The following MRPL35 variants were observed in gnomAD, a reference collection of about 807,000 sequenced individuals.
MRPL35 encodes large ribosomal subunit protein bL35m.
A neutral mutation model predicts 21.6 loss-of-function variants in MRPL35; 18 were observed. That is an observed-to-expected ratio of 0.83 (90% CI 0.58 to 1.24). The LOEUF (loss-of-function observed/expected upper bound fraction) is 1.24, where lower values mean the gene tolerates loss of function less well. Among genes scored for constraint, MRPL35 ranks in the 50% most tolerant of loss-of-function variants. The probability of loss-of-function intolerance (pLI) is 0.00; values close to 1 mark genes in which losing one functional copy is unlikely to be tolerated. For missense variants in MRPL35, 223 were observed against 223.2 expected (o/e 1.00, Z 0.01); for synonymous variants, 87 against 86.9 (o/e 1.00, Z -0.01).
At chr2:86,199,816 C>A (rs547962147) in intron 1 of MRPL35, among the ~76,000 whole-genome samples, 2 of 152,222 alleles carry the variant, frequency 1.3e-5, no homozygotes, top group Admixed American at 1.3e-4. Context: ...GCGAGGGAAA[C>A]CAAAAAGTCT....
Position 86,212,498 on chromosome 2 carries a change from C to T in MRPL35, c.*1830C>T, listed in dbSNP as rs1673926467. The T allele has an allele frequency of 3.7e-6, 6 of 1,609,966 alleles. No individual in the cohort carries two copies. The South Asian group carries it at 6.6e-5, about 18-fold the overall frequency. ...CTGGCTCCTGCTCTCTGATGTACCT[C>T]TGGGTAGTGAGATGGAAATGGTGCC... On this transcript the variant is annotated 3_prime_UTR_variant, in exon 4 of 4. Coordinates refer to ENST00000337109, the MANE Select transcript of MRPL35 (RefSeq NM_016622.4).
chr2:86,211,105 G>C lies in MRPL35; in HGVS notation c.*437G>C, dbSNP rs1673894273. On this transcript the variant is annotated 3_prime_UTR_variant, in exon 4 of 4. Transcript: ENST00000337109. Reference sequence around the variant, plus strand: ...CCTCAGGAAGAGTAGAAATTGGGTGGTGCTCCTCAGCAGGGGAAGGTGGAT... The same window carrying C: ...CCTCAGGAAGAGTAGAAATTGGGTGCTGCTCCTCAGCAGGGGAAGGTGGAT... 2.0e-6 allele frequency: 2 copies of C among 987,592 alleles called. No homozygotes were observed. Among genetic ancestry groups the C allele is most frequent in the South Asian group, 4.7e-5 (1 of 21,468 alleles). 61.2% of individuals were successfully genotyped at this position (987,592 alleles called of 1,614,324 possible). A position where few individuals can be genotyped will look rare whatever the true frequency, so the allele number is the denominator to read the frequency against.
At chr2:86,210,411 TG>T in intron 3 of MRPL35, 68 bp from the exon 4 acceptor site, 1 of 1,296,690 alleles carries the variant, frequency 7.7e-7, no homozygotes, top group Admixed American at 2.7e-5. Flanking sequence ...CTATAAACCT[TG>T]AGTTGTGAAG....
chr2:86,205,707 G>A (rs1381289969), intron 1 of MRPL35, among the ~76,000 whole-genome samples: 1 of 152,126 alleles, frequency 6.6e-6, no homozygotes, highest in African/African-American at 2.4e-5. Context: ...CGCCACTCTT[G>A]TCTCTCCAGG....
At position 86,210,487 on chromosome 2, in the gene MRPL35, A is replaced by G. The variant is rs201733473; in HGVS notation, c.386A>G (p.Tyr129Cys). 5.2e-5 allele frequency: 84 copies of G among 1,606,090 alleles called. No individual in the cohort carries two copies. Among genetic ancestry groups the G allele is most frequent in the Admixed American group, 1.2e-4 (7 of 57,910 alleles). Residue 129 changes from tyrosine (Y) to cysteine (C), a missense_variant, in exon 4 of 4, where the codon TAT becomes TGT. Tyr to Cys is a radical substitution (Grantham distance 194). Coordinates refer to ENST00000337109, the MANE Select transcript of MRPL35 (RefSeq NM_016622.4). ...CGLWVRRKAG[Y>C]KKKLWKKTPA... Reference sequence around the variant, plus strand: ...CTTTGTAATATCTGACAGGCTGGCTATAAGAAAAAATTATGGAAAAAGACA... The same window carrying G: ...CTTTGTAATATCTGACAGGCTGGCTGTAAGAAAAAATTATGGAAAAAGACA...
rs140979773 is a variant in MRPL35, at chr2:86,204,467, T to C, written c.44-1639T>C. Among the ~76,000 whole-genome samples, 1,262 of 150,528 alleles carry C rather than the reference T, an allele frequency of 8.4e-3. 28 individuals carry two copies. The highest frequency in any genetic ancestry group is 0.028 in the African/African-American group (1,168 of 40,990). On this transcript the variant is annotated intron_variant, in intron 1 of 3. Transcript: ENST00000337109. ...TATTAGTGCATTTTTTTTTTTATAC[T>C]TTAAGTTCTGAGGACATTTTCATCA...
chr2:86,213,527 G>A lies in MRPL35; in HGVS notation c.*2859G>A, dbSNP rs1472688280. 1.4e-6 allele frequency: 2 copies of A among 1,421,808 alleles called. No homozygotes were observed. The highest frequency in any genetic ancestry group is 9.3e-7 in the Non-Finnish European group (1 of 1,074,646). The allele number at this position is 1,421,808 out of a possible 1,614,324, so 88.1% of individuals were successfully genotyped here. On this transcript the variant is annotated 3_prime_UTR_variant, in exon 4 of 4. Transcript: ENST00000337109. ...AAATTTTGAGCTTCCAAGTCTTTGT[G>A]GCCACCCAATGAAGTTTGAGTCTGC...
chr2:86,199,640 T>A, intron 1 of MRPL35, 107 bp downstream of exon 1: 1 of 1,404,846 alleles, frequency 7.1e-7, no homozygotes, highest in Non-Finnish European at 9.8e-7. Context: ...AGGGTCATTA[T>A]TTAAGTTAAG....
intron 1 of MRPL35, among the ~76,000 whole-genome samples, chr2:86,202,882 G>T (rs1673714989): frequency 6.6e-6 from 1 of 151,912 alleles, no homozygotes; most frequent in Non-Finnish European, 1.5e-5. Flanking sequence ...GTAGAGACGG[G>T]GTTTCACATG....
intron 3 of MRPL35, 50 bp from the exon 4 acceptor site, chr2:86,210,430 T>C: frequency 6.8e-7 from 1 of 1,460,746 alleles, no homozygotes; most frequent in Non-Finnish European, 9.2e-7. Context: ...AAGATACCTG[T>C]TGTTTCATAC....
chr2:86,210,752 G>T lies in MRPL35; in HGVS notation c.*84G>T. On this transcript the variant is annotated 3_prime_UTR_variant, in exon 4 of 4. Transcript: ENST00000337109. ...GCAAAAATGGATAAGTACAAAACTT[G>T]ATGTAAATTGTACCAATGAATACGT... The T allele has an allele frequency of 6.8e-7, 1 of 1,466,576 alleles. No homozygotes were observed. The allele number at this position is 1,466,576 out of a possible 1,614,324, so 90.8% of individuals were successfully genotyped here. A position where few individuals can be genotyped will look rare whatever the true frequency, so the allele number is the denominator to read the frequency against.
chr2:86,211,408 A>G lies in MRPL35; in HGVS notation c.*740A>G, dbSNP rs1355755733. On this transcript the variant is annotated 3_prime_UTR_variant, in exon 4 of 4. Coordinates refer to ENST00000337109, the MANE Select transcript of MRPL35 (RefSeq NM_016622.4). Reference sequence around the variant, plus strand: ...CTAGAGTAGGGATTGGCTGTCCTTAAGTCAGGAGCCCGCTTTGTATTAGCA... The same window carrying G: ...CTAGAGTAGGGATTGGCTGTCCTTAGGTCAGGAGCCCGCTTTGTATTAGCA... The G allele has an allele frequency of 2.0e-6, 2 of 985,406 alleles. No homozygotes were observed. Among genetic ancestry groups the G allele is most frequent in the Non-Finnish European group, 2.4e-6 (2 of 829,938 alleles). The allele number at this position is 985,406 out of a possible 1,614,324, so 61.0% of individuals were successfully genotyped here.
intron 1 of MRPL35, 102 bp from the exon 2 acceptor site, chr2:86,206,004 G>A (rs548794543): frequency 4.2e-5 from 43 of 1,035,012 alleles, no homozygotes; most frequent in Non-Finnish European, 5.1e-5. Context: ...CTCAGGGCAC[G>A]TTAATTATGT....
chr2:86,213,742 G>A lies in MRPL35; in HGVS notation c.*3074G>A, dbSNP rs1430718389. 7.6e-6 allele frequency: 11 copies of A among 1,448,064 alleles called. No homozygotes were observed. The Middle Eastern group carries it at 5.2e-4, about 69-fold the overall frequency. 89.7% of individuals were successfully genotyped at this position (1,448,064 alleles called of 1,614,324 possible). A position where few individuals can be genotyped will look rare whatever the true frequency, so the allele number is the denominator to read the frequency against. On this transcript the variant is annotated 3_prime_UTR_variant, in exon 4 of 4. Coordinates refer to ENST00000337109, the MANE Select transcript of MRPL35 (RefSeq NM_016622.4). ...ACTATTCTATTTTCACAGCTACCTA[G>A]TTTCTGCCGATGATTTTTTTAAATG...
intron 1 of MRPL35, among the ~76,000 whole-genome samples, chr2:86,203,328 G>C (rs893766815): frequency 6.6e-6 from 1 of 151,790 alleles, no homozygotes; most frequent in Non-Finnish European, 1.5e-5. Flanking sequence ...CTCGTGATCT[G>C]CCTGCCTCGG....
At position 86,213,610 on chromosome 2, in the gene MRPL35, CTGT is replaced by C; in HGVS notation, c.*2946_*2948del. ...GGTTTAAGGGTGGCCCTTCACCACC[CTGT>C]TGTCACCTGCACAGGCACTCCCCCA... On this transcript the variant is annotated 3_prime_UTR_variant, in exon 4 of 4. Coordinates refer to ENST00000337109, the MANE Select transcript of MRPL35 (RefSeq NM_016622.4). 6.5e-7 allele frequency: 1 copy of C among 1,550,282 alleles called. No individual in the cohort carries two copies. The highest frequency in any genetic ancestry group is 8.7e-7 in the Non-Finnish European group (1 of 1,146,814).
At chr2:86,199,608 G>C (rs1673645381) in intron 1 of MRPL35, 75 bp downstream of exon 1, 12 of 1,565,274 alleles carry the variant, frequency 7.7e-6, no homozygotes, top group Non-Finnish European at 1.1e-5. Context: ...TGGGCGTTTA[G>C]ACTGGAGGTT....
intron 3 of MRPL35, among the ~76,000 whole-genome samples, chr2:86,209,621 A>C (rs942067542): frequency 1.3e-5 from 2 of 152,218 alleles, no homozygotes; most frequent in African/African-American, 4.8e-5. Flanking sequence ...CATATTCATA[A>C]TTCCTTAGAA....
rs1673890560 is a variant in MRPL35 at position 86,210,852 on chromosome 2, G to A, written c.*184G>A. On this transcript the variant is annotated 3_prime_UTR_variant, in exon 4 of 4. Transcript: ENST00000337109. ...ATCAGACTTTGCCAGATTTGGTTAGGGAAACAGAAATTTAGAATGGTGCAT... is the reference window on the plus strand; with the variant it reads ...ATCAGACTTTGCCAGATTTGGTTAGAGAAACAGAAATTTAGAATGGTGCAT... The A allele has an allele frequency of 4.7e-6, 6 of 1,274,664 alleles. No individual in the cohort carries two copies. Among genetic ancestry groups the A allele is most frequent in the Non-Finnish European group, 5.9e-6 (6 of 1,010,036 alleles). 79.0% of individuals were successfully genotyped at this position (1,274,664 alleles called of 1,614,324 possible). A position where few individuals can be genotyped will look rare whatever the true frequency, so the allele number is the denominator to read the frequency against.
Sources: gnomAD v4.1 joint callset for allele counts (sites outside exome capture counted in the v4.1 genomes callset) on GRCh38, gnomAD v4.1.1 for gene constraint, MANE v1.5 for transcripts, NCBI Gene and HGNC (gene_info 2026-07-23, HGNC 2026-07-21) for gene names.